Variants in HECA observed in about 807,000 individuals in gnomAD.
HECA encodes HECA ribonucleoprotein granule regulator, also known as headcase protein homolog.
HECA carries 13 observed loss-of-function variants against 37.6 expected under a neutral mutation model. The observed-to-expected ratio is 0.35, with a 90% CI of 0.23 to 0.55. HECA has a LOEUF of 0.55. Among genes scored for constraint, HECA ranks in the 20% least tolerant of loss-of-function variants. HECA has a pLI of 0.90. For missense variants in HECA, 527 were observed against 701.9 expected, an observed-to-expected ratio of 0.75 and a Z score of 2.82; for synonymous variants, 307 against 291.5, an observed-to-expected ratio of 1.05 and a Z score of -0.54.
chr6:139,142,880 G>A (rs769174899), intron 1 of HECA, among the ~76,000 whole-genome samples: 11 of 152,148 alleles, frequency 7.2e-5, no homozygotes, highest in African/African-American at 1.9e-4. Context: ...CCCAGGAGGC[G>A]GAGGTTGCAG....
rs749554397 is a variant in HECA, at chr6:139,137,893, C to A, written c.271+2226C>A. Among the ~76,000 whole-genome samples the A allele has an allele frequency of 2.0e-5, 3 of 151,852 alleles. No homozygotes were observed. In the South Asian group the frequency reaches 6.2e-4, roughly 32 times the overall value. On this transcript the variant is annotated intron_variant, in intron 1 of 3. Coordinates refer to ENST00000367658, the MANE Select transcript of HECA (RefSeq NM_016217.3). ...GGAGCTTATTTTATTAAGTGAAAGG[C>A]GGGGAGAAAAAGGAATGGGCCAACA...
intron 2 of HECA, among the ~76,000 whole-genome samples, chr6:139,171,948 A>G (rs1774979518): frequency 1.3e-5 from 2 of 151,800 alleles, no homozygotes; most frequent in South Asian, 4.2e-4. Flanking sequence ...CTCCTGCCTC[A>G]GCCTCATGAG....
At chr6:139,175,822 A>C (rs191340899) in intron 3 of HECA, among the ~76,000 whole-genome samples, 68 of 152,344 alleles carry the variant, frequency 4.5e-4, no homozygotes, top group Non-Finnish European at 7.3e-4. Flanking sequence ...GCATCCTGCC[A>C]CACCCAGCCT....
intron 2 of HECA, chr6:139,169,476 G>A (rs1368448315): frequency 6.6e-6 from 1 of 152,178 alleles, no homozygotes; most frequent in Non-Finnish European, 1.5e-5. Flanking sequence ...TTGTGAGCAA[G>A]GAAAGGGAGC....
intron 1 of HECA, among the ~76,000 whole-genome samples, chr6:139,147,970 G>A (rs780595163): frequency 1.8e-4 from 28 of 152,112 alleles, no homozygotes; most frequent in Non-Finnish European, 3.8e-4. Flanking sequence ...TGTAAATTTC[G>A]ATTACCATTT....
rs1343708641 is a variant in HECA at position 139,135,522 on chromosome 6, G to A, written c.126G>A (p.Gly42=). 12 of 1,000,354 alleles carry A rather than the reference G, an allele frequency of 1.2e-5. No homozygotes were observed. Among genetic ancestry groups the A allele is most frequent in the Non-Finnish European group, 1.4e-5 (12 of 840,494 alleles). 62.0% of individuals were successfully genotyped at this position (1,000,354 alleles called of 1,614,324 possible). The change falls in exon 1 of 4, where the codon GGG becomes GGA. Residue 42 remains glycine, a synonymous_variant. Transcript: ENST00000367658. ...AAGAAGAAAG[G]ALAAAAGCGA... ...GCGCGGCGGGAGCGGCGGCCGGGGGGGCCCTGGCGGCGGCGGCCGGTTGCG... is the reference window on the plus strand; with the variant it reads ...GCGCGGCGGGAGCGGCGGCCGGGGGAGCCCTGGCGGCGGCGGCCGGTTGCG...
chr6:139,174,550 A>C lies in HECA; in HGVS notation c.1467+11A>C, dbSNP rs1775024308. On this transcript the variant is annotated intron_variant, in intron 3 of 3. Coordinates refer to ENST00000367658, the MANE Select transcript of HECA (RefSeq NM_016217.3). ...TCTCCATGTTGTCAGGTAGGTACTG[A>C]ACACACTGAGGGAGCAGTGGGTGAT... is the stretch of plus-strand genomic sequence containing the variant. 1 of 1,613,156 alleles carries C rather than the reference A, an allele frequency of 6.2e-7. No individual in the cohort carries two copies. Among genetic ancestry groups the C allele is most frequent in the Non-Finnish European group, 8.5e-7 (1 of 1,179,518 alleles).
intron 1 of HECA, among the ~76,000 whole-genome samples, chr6:139,145,782 A>G (rs1381793781): frequency 3.9e-5 from 6 of 152,168 alleles, no homozygotes; most frequent in Non-Finnish European, 7.3e-5. Context: ...TTGGAAAGAT[A>G]AGTGGGCGTT....
At chr6:139,160,994 T>C (rs1774793807) in intron 1 of HECA, among the ~76,000 whole-genome samples, 1 of 152,128 alleles carries the variant, frequency 6.6e-6, no homozygotes, top group Non-Finnish European at 1.5e-5. Flanking sequence ...CAGACACCTC[T>C]CTTCTGTTAT....
intron 1 of HECA, among the ~76,000 whole-genome samples, chr6:139,158,677 A>AAG (rs1774751791): frequency 6.6e-6 from 1 of 151,582 alleles, no homozygotes; most frequent in African/African-American, 2.4e-5. Context: ...TCTCAAAAAA[A>AAG]AAAAAAAAAA....
Position 139,180,542 on chromosome 6 carries a change from G to A in HECA, c.*3437G>A, listed in dbSNP as rs563854573. The A allele has an allele frequency of 5.9e-5, 9 of 152,696 alleles. No homozygotes were observed. Among genetic ancestry groups the A allele is most frequent in the Admixed American group, 5.2e-4 (8 of 15,296 alleles). 9.5% of individuals were successfully genotyped at this position (152,696 alleles called of 1,614,324 possible). On this transcript the variant is annotated 3_prime_UTR_variant, in exon 4 of 4. Transcript: ENST00000367658. Reference sequence around the variant, plus strand: ...GCTGCCTAACCCAGTTCATCTCTATGTCCTGTTCACTGAATATTCCGGGTA... The same window carrying A: ...GCTGCCTAACCCAGTTCATCTCTATATCCTGTTCACTGAATATTCCGGGTA...
chr6:139,149,631 G>T (rs1436551293), intron 1 of HECA, among the ~76,000 whole-genome samples: 2 of 152,222 alleles, frequency 1.3e-5, no homozygotes, highest in African/African-American at 4.8e-5. Flanking sequence ...GCTTTGGGGG[G>T]AGCCTTTCGT....
rs1774884598 is a variant in HECA at position 139,166,297 on chromosome 6, C to G, written c.285C>G (p.Ala95=). The change falls in exon 2 of 4, where the codon GCC becomes GCG. Residue 95 remains alanine, a synonymous_variant. Transcript: ENST00000367658. ...AGDAKNEAPC[A]TPLICSFGRP... is the part of the protein sequence containing the mutation. ...TTCCTCCCCCAGAAGCCCCATGTGC[C>G]ACTCCCCTGATCTGCAGCTTCGGTA... The G allele has an allele frequency of 6.2e-7, 1 of 1,600,974 alleles. No individual in the cohort carries two copies. The highest frequency in any genetic ancestry group is 8.5e-7 in the Non-Finnish European group (1 of 1,171,720).
At chr6:139,146,806 C>G (rs1433798959) in intron 1 of HECA, among the ~76,000 whole-genome samples, 1 of 152,232 alleles carries the variant, frequency 6.6e-6, no homozygotes, top group Non-Finnish European at 1.5e-5. Context: ...TCCGTTCTTA[C>G]TGGGCAGTGC....
In HECA at chr6:139,172,961, C is replaced by T. The variant is rs532118094; in HGVS notation, c.1313-1424C>T. On this transcript the variant is annotated intron_variant, in intron 2 of 3. Coordinates refer to ENST00000367658, the MANE Select transcript of HECA (RefSeq NM_016217.3). ...ATCATTATGGTCATCGTTAGCAACA[C>T]CTGACTTCTGTGTCTAAGGCTGCCC... 7.2e-5 allele frequency among the ~76,000 whole-genome samples: 11 copies of T among 152,330 alleles called. No homozygotes were observed. In the South Asian group the frequency reaches 2.3e-3, roughly 32 times the overall value.
chr6:139,142,592 G>T (rs142076840), intron 1 of HECA, among the ~76,000 whole-genome samples: 31 of 152,226 alleles, frequency 2.0e-4, no homozygotes, highest in South Asian at 1.5e-3. Flanking sequence ...AGATGCTGTC[G>T]TACATAGGGG....
At chr6:139,175,712 C>T (rs937238913) in intron 3 of HECA, among the ~76,000 whole-genome samples, 7 of 152,180 alleles carry the variant, frequency 4.6e-5, no homozygotes, top group Admixed American at 1.3e-4. Context: ...TGTGTCACAG[C>T]CATGACTGCA....
chr6:139,143,637 CAGATCACAAGGTCAGG>C (rs922542759), intron 1 of HECA, among the ~76,000 whole-genome samples: 38 of 151,948 alleles, frequency 2.5e-4, no homozygotes, highest in African/African-American at 8.0e-4. Context: ...CTGAGGCAGG[CAGATCACAAGGTCAGG>C]AGATCGAGAC....
intron 2 of HECA, among the ~76,000 whole-genome samples, chr6:139,173,008 TCTGTAC>T (rs1211170469): frequency 2.0e-4 from 30 of 152,336 alleles, no homozygotes; most frequent in Non-Finnish European, 3.4e-4. Flanking sequence ...AGCTGTGGCC[TCTGTAC>T]CTGGGAATGT....
Sources: gnomAD v4.1 joint callset for allele counts (sites outside exome capture counted in the v4.1 genomes callset) on GRCh38, gnomAD v4.1.1 for gene constraint, MANE v1.5 for transcripts, NCBI Gene and HGNC (gene_info 2026-07-23, HGNC 2026-07-21) for gene names.